Variants in PCDHGB3 observed in about 807,000 individuals in gnomAD.
PCDHGB3 encodes the protein protocadherin gamma-B3.
In PCDHGB3, 40 loss-of-function variants were observed where a neutral mutation model predicts 59.2. That is an observed-to-expected ratio of 0.68 (90% CI 0.52 to 0.88). The LOEUF is 0.88. PCDHGB3 is among the 40% of genes least tolerant of loss of function. PCDHGB3 has a pLI of 0.00. For missense variants in PCDHGB3, 1,309 were observed against 1,187.9 expected, an observed-to-expected ratio of 1.10 and a Z score of -1.50; for synonymous variants, 581 against 503.6, an observed-to-expected ratio of 1.15 and a Z score of -2.06.
Position 141,490,140 on chromosome 5 carries a change from G to T in PCDHGB3, c.2416-4667G>T. On this transcript the variant is annotated intron_variant, in intron 1 of 3. Transcript: ENST00000576222. This position sits in a 1 kb window ranked among gnomAD's most constrained non-coding sequence, Gnocchi z 5.4. Reference sequence around the variant, plus strand: ...TCTTTGGCCTAGACCCTAGCAGTGGGGCAATCCATGTGTTGGGTCCCATAG... The same window carrying T: ...TCTTTGGCCTAGACCCTAGCAGTGGTGCAATCCATGTGTTGGGTCCCATAG... 1 of 1,614,206 alleles carries T rather than the reference G, an allele frequency of 6.2e-7. No homozygotes were observed. The highest frequency in any genetic ancestry group is 8.5e-7 in the Non-Finnish European group (1 of 1,180,026).
rs1481171398 is a variant in PCDHGB3 at position 141,455,879 on chromosome 5, ATTT to A, written c.2416-38927_2416-38925del. 3.8e-4 allele frequency among the ~76,000 whole-genome samples: 56 copies of A among 147,786 alleles called. No individual in the cohort carries two copies. In the East Asian group the frequency reaches 8.9e-3, roughly 23 times the overall value. On this transcript the variant is annotated intron_variant, in intron 1 of 3. Coordinates refer to ENST00000576222, the MANE Select transcript of PCDHGB3 (RefSeq NM_018924.5). ...TCTTTTATTATTTATTTATTTATTTATTTATTTATTTATTTATTTATTTATTTA... is the reference window on the plus strand; with the variant it reads ...TCTTTTATTATTTATTTATTTATTTAATTTATTTATTTATTTATTTATTTA...
At position 141,477,843 on chromosome 5, in the gene PCDHGB3, C is replaced by T; in HGVS notation, c.2416-16964C>T. The T allele has an allele frequency of 6.2e-7, 1 of 1,613,408 alleles. No homozygotes were observed. Among genetic ancestry groups the T allele is most frequent in the Non-Finnish European group, 8.5e-7 (1 of 1,179,796 alleles). On this transcript the variant is annotated intron_variant, in intron 1 of 3. Coordinates refer to ENST00000576222, the MANE Select transcript of PCDHGB3 (RefSeq NM_018924.5). The surrounding 1 kb of genome is among the most constrained non-coding windows in gnomAD (Gnocchi z 4.9). Reference sequence around the variant, plus strand: ...CTATATCCTCGGCCAGGTGGGAGCTCGGTGGAGATGCTGCCTCGAGGTACC... The same window carrying T: ...CTATATCCTCGGCCAGGTGGGAGCTTGGTGGAGATGCTGCCTCGAGGTACC...
intron 1 of PCDHGB3, chr5:141,440,542 C>T (rs1448576873): frequency 6.6e-6 from 1 of 152,206 alleles, no homozygotes; most frequent in Non-Finnish European, 1.5e-5. Context: ...CACGGTTCAG[C>T]AGGAATGTTA....
chr5:141,415,194 C>T (rs1252476580), intron 1 of PCDHGB3: 2 of 1,614,064 alleles, frequency 1.2e-6, no homozygotes, highest in Non-Finnish European at 1.7e-6. Context: ...ACAGCATCCC[C>T]CAAGTCCTGG....
At chr5:141,430,713 T>G in intron 1 of PCDHGB3, 1 of 1,481,944 alleles carries the variant, frequency 6.7e-7, no homozygotes, top group Non-Finnish European at 9.0e-7. Context: ...GCTCCTGACT[T>G]CAGTGGTTAA....
intron 1 of PCDHGB3, chr5:141,433,252 G>T (rs1398141147): frequency 1.4e-6 from 2 of 1,425,340 alleles, no homozygotes; most frequent in Non-Finnish European, 1.9e-6. Flanking sequence ...GGAATGCAGC[G>T]GTACGATCAT....
chr5:141,498,146 G>A (rs924380243), intron 2 of PCDHGB3, among the ~76,000 whole-genome samples: 1 of 152,200 alleles, frequency 6.6e-6, no homozygotes, highest in Non-Finnish European at 1.5e-5. Context: ...GGACATCCTG[G>A]AAATGAAGTT....
intron 1 of PCDHGB3, chr5:141,415,740 G>GTTTTTTTTTTTTTTTTTTTTTTTTTTTTT (rs57426385): frequency 8.0e-6 from 5 of 625,030 alleles, no homozygotes; most frequent in African/African-American, 2.5e-5. Flanking sequence ...GTTTATTAAG[G>GTTTTTTTTTTTTTTTTTTTTTTTTTTTTT]TTTTTTTTTT....
chr5:141,394,481 T>C lies in PCDHGB3; in HGVS notation c.2415+21672T>C, dbSNP rs766569646. The C allele has an allele frequency of 4.3e-6, 7 of 1,614,088 alleles. No individual in the cohort carries two copies. The East Asian group carries it at 6.7e-5, about 15-fold the overall frequency. ...TGAGCCTGTTCGTGCTGGACCAGAATGACAACGCGCCCGAGATCCTGTACC... is the reference window on the plus strand; with the variant it reads ...TGAGCCTGTTCGTGCTGGACCAGAACGACAACGCGCCCGAGATCCTGTACC... On this transcript the variant is annotated intron_variant, in intron 1 of 3. Transcript: ENST00000576222.
At chr5:141,410,665 G>C (rs372651223) in intron 1 of PCDHGB3, 9 of 1,569,394 alleles carry the variant, frequency 5.7e-6, no homozygotes, top group Non-Finnish European at 7.7e-6. Flanking sequence ...TAGTCTACTA[G>C]TTTCTCATAT....
chr5:141,383,268 A>C (rs773903039), intron 1 of PCDHGB3: 1 of 1,613,816 alleles, frequency 6.2e-7, no homozygotes, highest in Non-Finnish European at 8.5e-7. Context: ...ACGTGGAAAT[A>C]ATAGATATTA....
At position 141,485,272 on chromosome 5, in the gene PCDHGB3, C is replaced by T. The variant is rs764196730; in HGVS notation, c.2416-9535C>T. The T allele has an allele frequency of 1.9e-6, 3 of 1,613,948 alleles. No homozygotes were observed. The highest frequency in any genetic ancestry group is 2.7e-5 in the African/African-American group (2 of 74,932). On this transcript the variant is annotated intron_variant, in intron 1 of 3. Transcript: ENST00000576222. The surrounding 1 kb of genome is among the most constrained non-coding windows in gnomAD (Gnocchi z 5.7). ...GTTACGTTTGTGGGCAGATCCGCTACCCGGTCCCAGAGGAGTCACAGGAAG... is the reference window on the plus strand; with the variant it reads ...GTTACGTTTGTGGGCAGATCCGCTATCCGGTCCCAGAGGAGTCACAGGAAG...
At chr5:141,423,050 G>T (rs1434973750) in intron 1 of PCDHGB3, 2 of 1,614,068 alleles carry the variant, frequency 1.2e-6, no homozygotes, top group Admixed American at 1.7e-5. Context: ...CTGTCCTATC[G>T]CCTGCTTAAG....
chr5:141,404,932 C>A, intron 1 of PCDHGB3: 1 of 1,613,944 alleles, frequency 6.2e-7, no homozygotes, highest in Non-Finnish European at 8.5e-7. Flanking sequence ...CTGTCACGCT[C>A]ACAGTAGCCA....
At chr5:141,455,789 G>A (rs966897617) in intron 1 of PCDHGB3, among the ~76,000 whole-genome samples, 56 of 152,058 alleles carry the variant, frequency 3.7e-4, no homozygotes, top group African/African-American at 1.3e-3. Context: ...AACTTTTCCG[G>A]AGATGCTTTA....
At chr5:141,450,006 C>CTTT (rs1554136305) in intron 1 of PCDHGB3, among the ~76,000 whole-genome samples, 1 of 132,986 alleles carries the variant, frequency 7.5e-6, no homozygotes, top group Non-Finnish European at 1.6e-5. Context: ...TGCCATGTCT[C>CTTT]TTTTTTTTTT....
intron 1 of PCDHGB3, chr5:141,423,975 A>T: frequency 8.9e-7 from 1 of 1,126,024 alleles, no homozygotes; most frequent in Non-Finnish European, 1.1e-6. Flanking sequence ...TTATCAGTGT[A>T]TGAGGCTCTC....
At position 141,385,228 on chromosome 5, in the gene PCDHGB3, GAC is replaced by G. The variant is rs1361009837; in HGVS notation, c.2415+12421_2415+12422del. 9 of 1,614,224 alleles carry G rather than the reference GAC, an allele frequency of 5.6e-6. No individual in the cohort carries two copies. The South Asian group carries it at 8.8e-5, about 16-fold the overall frequency. On this transcript the variant is annotated intron_variant, in intron 1 of 3. Transcript: ENST00000576222. ...GATCTTCCCCCAGCCCAACTATGTAGACATGCTCATCAGCCAGGAGAGCTGTG... is the reference window on the plus strand; with the variant it reads ...GATCTTCCCCCAGCCCAACTATGTAGATGCTCATCAGCCAGGAGAGCTGTG...
At chr5:141,433,295 G>A (rs754784548) in intron 1 of PCDHGB3, 22 of 1,044,006 alleles carry the variant, frequency 2.1e-5, no homozygotes, top group Non-Finnish European at 2.9e-5. Flanking sequence ...CTAGGCTCAA[G>A]CAATTATCCC....
Sources: gnomAD v4.1 joint callset for allele counts (sites outside exome capture counted in the v4.1 genomes callset) on GRCh38, gnomAD v4.1.1 for gene constraint, Gnocchi (gnomAD v3.1) non-coding constraint, MANE v1.5 for transcripts, NCBI Gene and HGNC (gene_info 2026-07-23, HGNC 2026-07-21) for gene names.